The following LRRC37A2 variants were observed in gnomAD, a reference collection of about 807,000 sequenced individuals.
LRRC37A2 encodes the protein leucine rich repeat containing 37 member A2, also known as leucine-rich repeat-containing protein 37A2.
In LRRC37A2, 9 loss-of-function variants were observed where a neutral mutation model predicts 68.8. The observed-to-expected ratio is 0.13, with a 90% CI of 0.08 to 0.23. The LOEUF is 0.23. LRRC37A2 is among the 10% of genes least tolerant of loss of function. The pLI is 1.00. For missense variants in LRRC37A2, 168 were observed against 950.4 expected, an observed-to-expected ratio of 0.18 and a Z score of 10.82; for synonymous variants, 63 against 367.6, an observed-to-expected ratio of 0.17 and a Z score of 9.48.
the LRRC37A2 span, chr17:47,019,715 G>C: frequency 3.9e-6 from 4 of 1,034,036 alleles, no homozygotes; most frequent in East Asian, 9.6e-5. Flanking sequence ...ATGAGATGTT[G>C]TCATGTATTG....
At chr17:46,529,491 A>C (rs1223430450) in intron 6 of LRRC37A2, among the ~76,000 whole-genome samples, 1 of 106,152 alleles carries the variant, frequency 9.4e-6, no homozygotes, top group African/African-American at 3.2e-5. Flanking sequence ...CCAGAAATGG[A>C]AATGGTCATC....
At chr17:46,492,689 G>GTTTTTTTT in the LRRC37A2 span, among the ~76,000 whole-genome samples, 8 of 107,800 alleles carry the variant, frequency 7.4e-5, no homozygotes, top group African/African-American at 1.3e-4. Flanking sequence ...GTTTTGTTTT[G>GTTTTTTTT]TTTTTTTTTT....
chr17:46,931,688 A>G, the LRRC37A2 span: 1 of 321,208 alleles, frequency 3.1e-6, no homozygotes, highest in East Asian at 7.6e-5. Context: ...CAAAAGTTTT[A>G]TGAAACTTTG....
chr17:46,857,988 G>A, the LRRC37A2 span, among the ~76,000 whole-genome samples: 2 of 152,160 alleles, frequency 1.3e-5, no homozygotes, highest in South Asian at 2.1e-4. Context: ...GGAGTACAAT[G>A]GCATGATCTT....
chr17:46,978,534 C>G, the LRRC37A2 span: 1 of 1,378,596 alleles, frequency 7.3e-7, no homozygotes, highest in Non-Finnish European at 9.6e-7. Flanking sequence ...GCGCCCCAGG[C>G]ACGTAGCTGC....
chr17:46,745,099 G>C, the LRRC37A2 span, among the ~76,000 whole-genome samples: 1 of 151,964 alleles, frequency 6.6e-6, no homozygotes, highest in Admixed American at 6.6e-5. Flanking sequence ...ATTAAGACTG[G>C]TGGCCACACA....
At chr17:46,728,266 C>T in the LRRC37A2 span, among the ~76,000 whole-genome samples, 5 of 152,096 alleles carry the variant, frequency 3.3e-5, no homozygotes, top group East Asian at 1.9e-4. Flanking sequence ...CCATTGTTTC[C>T]GTTTTATTGA....
chr17:46,489,934 G>C, the LRRC37A2 span, among the ~76,000 whole-genome samples: 1 of 151,072 alleles, frequency 6.6e-6, no homozygotes, highest in Non-Finnish European at 1.5e-5. Flanking sequence ...ATGAGACCCT[G>C]AGGTTTACCT....
chr17:46,955,387 G>A, the LRRC37A2 span: 1 of 151,880 alleles, frequency 6.6e-6, no homozygotes, highest in Non-Finnish European at 1.5e-5. Context: ...TGGTGGATAA[G>A]CTTTTTGATG....
the LRRC37A2 span, chr17:46,876,430 G>T: frequency 6.2e-7 from 1 of 1,613,636 alleles, no homozygotes; most frequent in Admixed American, 1.7e-5. Flanking sequence ...TAGAGCTGTG[G>T]GCCCCTGCCA....
chr17:46,843,137 G>A, the LRRC37A2 span, among the ~76,000 whole-genome samples: 1 of 152,260 alleles, frequency 6.6e-6, no homozygotes, highest in Non-Finnish European at 1.5e-5. Flanking sequence ...AGCCCAGAGA[G>A]GGAGAAACTA....
the LRRC37A2 span, among the ~76,000 whole-genome samples, chr17:46,736,860 A>T: frequency 2.6e-5 from 4 of 152,104 alleles, no homozygotes; most frequent in Non-Finnish European, 4.4e-5. Context: ...GTGCCTCCTA[A>T]CTCTCACAGT....
chr17:46,744,621 G>GAA, the LRRC37A2 span, among the ~76,000 whole-genome samples: 3 of 147,564 alleles, frequency 2.0e-5, no homozygotes, highest in Non-Finnish European at 3.0e-5. Context: ...TTTATTTAGG[G>GAA]AAAAAAAAAA....
At chr17:46,917,779 G>A in the LRRC37A2 span, among the ~76,000 whole-genome samples, 3 of 152,224 alleles carry the variant, frequency 2.0e-5, no homozygotes. Flanking sequence ...GAGGGGCAAA[G>A]AAAGCTACAT....
At chr17:47,036,825 A>C in the LRRC37A2 span, among the ~76,000 whole-genome samples, 2 of 149,484 alleles carry the variant, frequency 1.3e-5, no homozygotes, top group Non-Finnish European at 3.0e-5. Context: ...GGGTGCCTTA[A>C]ATTGCATTAT....
At chr17:46,873,814 A>G in the LRRC37A2 span, among the ~76,000 whole-genome samples, 1 of 150,784 alleles carries the variant, frequency 6.6e-6, no homozygotes, top group African/African-American at 2.5e-5. Context: ...AAATGGTGAA[A>G]CCCCATCTCT....
At chr17:46,768,198 T>C in the LRRC37A2 span, 3 of 1,477,048 alleles carry the variant, frequency 2.0e-6, no homozygotes, top group Admixed American at 2.0e-5. This position sits in a 1 kb window ranked among gnomAD's most constrained non-coding sequence, Gnocchi z 5.0. Context: ...TGGGAACTTG[T>C]GTGTCTTGGA....
chr17:46,751,496 T>C, the LRRC37A2 span: 1 of 1,608,952 alleles, frequency 6.2e-7, no homozygotes, highest in Non-Finnish European at 8.5e-7. Flanking sequence ...GTTTATTGTT[T>C]TTGTAGCTTT....
the LRRC37A2 span, chr17:46,721,924 G>A: frequency 6.9e-6 from 11 of 1,591,170 alleles, no homozygotes; most frequent in African/African-American, 2.7e-5. Flanking sequence ...TCTCCAATTC[G>A]CGTACTAGCC....
Sources: gnomAD v4.1 joint callset for allele counts (sites outside exome capture counted in the v4.1 genomes callset) on GRCh38, gnomAD v4.1.1 for gene constraint, Gnocchi (gnomAD v3.1) non-coding constraint, MANE v1.5 for transcripts, NCBI Gene and HGNC (gene_info 2026-07-23, HGNC 2026-07-21) for gene names.